ARPC5: variants seen among roughly 807,000 people sequenced by gnomAD.
The protein encoded by ARPC5 is actin-related protein 2/3 complex subunit 5.
In ARPC5, 5 loss-of-function variants were observed where a neutral mutation model predicts 15.4. The observed-to-expected ratio is 0.32, with a 90% CI of 0.17 to 0.68. The LOEUF is 0.68. ARPC5 is among the 30% of genes least tolerant of loss of function. The pLI is 0.71. For synonymous variants in ARPC5, 85 were observed against 72.2 expected, an observed-to-expected ratio of 1.18 and a Z score of -0.90; for missense variants, 138 against 192.8, an observed-to-expected ratio of 0.72 and a Z score of 1.68.
intron 2 of ARPC5, 34 bp from the exon 3 acceptor site, chr1:183,630,671 ATATCTG>A (rs1305165149): frequency 6.3e-7 from 1 of 1,586,436 alleles, no homozygotes; most frequent in East Asian, 2.2e-5. Flanking sequence ...ACATTTAGAC[ATATCTG>A]TATGAGGAGG....
In ARPC5 at chr1:183,620,861, C is replaced by A. The variant is rs559637574; in HGVS notation, c.*6671G>T. ...CTCAATTAGATAAAAATAAAAATAA[C>A]CTTTTTATTTATAGTAAAAGCTATT... is the stretch of plus-strand genomic sequence containing the variant. On this transcript the variant is annotated 3_prime_UTR_variant, in exon 4 of 4. Transcript: ENST00000359856. 6.6e-6 allele frequency: 1 copy of A among 152,052 alleles called. No individual in the cohort carries two copies. The highest frequency in any genetic ancestry group is 1.5e-5 in the Non-Finnish European group (1 of 67,966). The allele number at this position is 152,052 out of a possible 1,614,324, so 9.4% of individuals were successfully genotyped here. A position where few individuals can be genotyped will look rare whatever the true frequency, so the allele number is the denominator to read the frequency against.
chr1:183,633,014 C>T, intron 2 of ARPC5, 68 bp downstream of exon 2: 2 of 1,169,616 alleles, frequency 1.7e-6, no homozygotes, highest in Non-Finnish European at 2.4e-6. Flanking sequence ...TTTTTTTTTG[C>T]AACTGCAGAG....
At chr1:183,628,496 C>T (rs1238424514) in intron 3 of ARPC5, among the ~76,000 whole-genome samples, 2 of 152,166 alleles carry the variant, frequency 1.3e-5, no homozygotes, top group Non-Finnish European at 2.9e-5. Context: ...CCTTTGTATA[C>T]TGAGTACTGT....
chr1:183,624,981 C>G lies in ARPC5; in HGVS notation c.*2551G>C, dbSNP rs1649053054. The stretch of plus-strand genomic sequence containing the variant: ...CATGTTCATGTCCTTAAAATATCAT[C>G]ATACTTGTCATCAAGTATGACTGTT... On this transcript the variant is annotated 3_prime_UTR_variant, in exon 4 of 4. Coordinates refer to ENST00000359856, the MANE Select transcript of ARPC5 (RefSeq NM_005717.4). 1 of 152,186 alleles carries G rather than the reference C, an allele frequency of 6.6e-6. No homozygotes were observed. The allele number at this position is 152,186 out of a possible 1,614,324, so 9.4% of individuals were successfully genotyped here. A position where few individuals can be genotyped will look rare whatever the true frequency, so the allele number is the denominator to read the frequency against.
At position 183,627,280 on chromosome 1, in the gene ARPC5, T is replaced by C; in HGVS notation, c.*252A>G. ...GAATGTAAATTATACTATATACAGA[T>C]TGGTATAAACATCACTGAAATGGTT... is the stretch of plus-strand genomic sequence containing the variant. On this transcript the variant is annotated 3_prime_UTR_variant, in exon 4 of 4. Transcript: ENST00000359856. 1 of 496,470 alleles carries C rather than the reference T, an allele frequency of 2.0e-6. No homozygotes were observed. Among genetic ancestry groups the C allele is most frequent in the East Asian group, 3.5e-5 (1 of 28,568 alleles). The allele number at this position is 496,470 out of a possible 1,614,324, so 30.8% of individuals were successfully genotyped here. A position where few individuals can be genotyped will look rare whatever the true frequency, so the allele number is the denominator to read the frequency against.
intron 3 of ARPC5, among the ~76,000 whole-genome samples, chr1:183,627,939 C>T (rs1232821412): frequency 5.3e-5 from 8 of 151,774 alleles, no homozygotes; most frequent in Admixed American, 1.3e-4. Context: ...TTTGGGAGGC[C>T]GAGGCCGGCG....
At chr1:183,632,891 T>C (rs1178797421) in intron 2 of ARPC5, 191 bp downstream of exon 2, 1 of 457,018 alleles carries the variant, frequency 2.2e-6, no homozygotes, top group East Asian at 3.9e-5. Context: ...TATCTTACCA[T>C]GCAGCATTAT....
chr1:183,627,579 C>T lies in ARPC5; in HGVS notation c.409G>A (p.Gly137Arg). Residue 137 changes from glycine to arginine, a missense_variant, in exon 4 of 4, where the codon GGA becomes AGA. Transcript: ENST00000359856. ...AAGACACGAACAATGGACCCTACTC[C>T]TCCAGCAGCAAGTGCCTAAAAACAA... ...QWHEKALAAG[G>R]VGSIVRVLTA... 1 of 1,614,042 alleles carries T rather than the reference C, an allele frequency of 6.2e-7. No individual in the cohort carries two copies. Among genetic ancestry groups the T allele is most frequent in the Non-Finnish European group, 8.5e-7 (1 of 1,179,926 alleles).
intron 3 of ARPC5, among the ~76,000 whole-genome samples, chr1:183,628,172 CAAAAAAAAAAAAAAAA>C (rs3068220): frequency 4.3e-5 from 2 of 46,070 alleles, no homozygotes; most frequent in African/African-American, 5.8e-5. Context: ...GACTCCGTCT[CAAAAAAAAAAAAAAAA>C]AAAAAAAAAA....
intron 2 of ARPC5, chr1:183,630,899 G>A: frequency 2.7e-6 from 1 of 366,208 alleles, no homozygotes; most frequent in African/African-American, 2.1e-5. Flanking sequence ...TAAGTCAGAG[G>A]TTATGGGAGG....
chr1:183,628,123 AG>A (rs941880559), intron 3 of ARPC5, among the ~76,000 whole-genome samples: 5 of 131,640 alleles, frequency 3.8e-5, no homozygotes, highest in Non-Finnish European at 7.9e-5. Context: ...CAGTGAGCCG[AG>A]ATTGCGCCAC....
In ARPC5 at chr1:183,627,540, T is replaced by A. The variant is rs1168441130; in HGVS notation, c.448A>T (p.Thr150Ser). ...ATCCACTTCCTGCCAGACTACACAG[T>A]TTTTCTTGCAGTCAAGACACGAACA... ...SIVRVLTARKTV is the reference protein window; with the variant it reads ...SIVRVLTARKSV Residue 150 changes from threonine (T) to serine (S), a missense_variant, in exon 4 of 4, where the codon ACT becomes TCT. Physicochemically the swap from Thr to Ser is moderately conservative, Grantham distance 58. Around this residue, in one of 3 missense-constraint regions of ARPC5, gnomAD observed 121 missense variants for 153.7 expected, o/e 0.79. Transcript: ENST00000359856. The A allele has an allele frequency of 6.2e-7, 1 of 1,613,848 alleles. No homozygotes were observed. The highest frequency in any genetic ancestry group is 8.5e-7 in the Non-Finnish European group (1 of 1,179,838).
chr1:183,630,930 A>G (rs1164633705), intron 2 of ARPC5: 2 of 262,460 alleles, frequency 7.6e-6, no homozygotes, highest in Admixed American at 1.1e-4. Flanking sequence ...TAAGGCCTAC[A>G]GGCATTGTAA....
intron 1 of ARPC5, among the ~76,000 whole-genome samples, chr1:183,635,262 T>C (rs574099513): frequency 2.6e-5 from 4 of 152,282 alleles, no homozygotes; most frequent in African/African-American, 9.6e-5. Context: ...ACCTGAGGAA[T>C]CTGGGGGCGT....
chr1:183,629,823 C>T (rs1376776900), intron 3 of ARPC5, among the ~76,000 whole-genome samples: 3 of 152,202 alleles, frequency 2.0e-5, no homozygotes, highest in Non-Finnish European at 2.9e-5. Flanking sequence ...TCACCACTAT[C>T]TGTTTCCAAA....
Position 183,625,518 on chromosome 1 carries a change from T to C in ARPC5, c.*2014A>G, listed in dbSNP as rs1649071412. The C allele has an allele frequency of 1.3e-5, 2 of 152,224 alleles. No individual in the cohort carries two copies. Among genetic ancestry groups the C allele is most frequent in the Non-Finnish European group, 2.9e-5 (2 of 68,032 alleles). The allele number at this position is 152,224 out of a possible 1,614,324, so 9.4% of individuals were successfully genotyped here. ...TATCATTTGATTTTAAAGTTTGTAA[T>C]TGGTTATGCTATACCTACTTGACTA... On this transcript the variant is annotated 3_prime_UTR_variant, in exon 4 of 4. Coordinates refer to ENST00000359856, the MANE Select transcript of ARPC5 (RefSeq NM_005717.4).
At chr1:183,627,717 AAAT>A in intron 3 of ARPC5, 123 bp from the exon 4 acceptor site, 1 of 768,594 alleles carries the variant, frequency 1.3e-6, no homozygotes, top group Non-Finnish European at 2.3e-6. Context: ...ATTAGTTAAC[AAAT>A]AATAAATTCT....
intron 1 of ARPC5, 38 bp from the exon 2 acceptor site, chr1:183,633,192 C>A (rs748804143): frequency 5.1e-5 from 74 of 1,457,322 alleles, no homozygotes; most frequent in Admixed American, 3.4e-4. Context: ...AAGGATGGCC[C>A]CCAGGAAAGC....
chr1:183,627,601 A>G lies in ARPC5; in HGVS notation c.394-7T>C, dbSNP rs1649143958. 2 of 1,610,614 alleles carry G rather than the reference A, an allele frequency of 1.2e-6. No individual in the cohort carries two copies. The highest frequency in any genetic ancestry group is 1.7e-6 in the Non-Finnish European group (2 of 1,176,940). On this transcript the variant is annotated splice_region_variant and splice_polypyrimidine_tract_variant and intron_variant, in intron 3 of 3. Transcript: ENST00000359856. ...CTCCTCCAGCAGCAAGTGCCTAAAA[A>G]CAAACCAAGATGTAAATGTTGACAG...
Sources: allele counts gnomAD v4.1 joint callset (sites outside exome capture counted in the v4.1 genomes callset), GRCh38; gene constraint gnomAD v4.1.1; regional missense constraint gnomAD v4.1.1; transcripts MANE v1.5; gene names NCBI Gene and HGNC (gene_info 2026-07-23, HGNC 2026-07-21).